NPAS2: variants seen among roughly 807,000 people sequenced by gnomAD.
The protein encoded by NPAS2 is neuronal PAS domain protein 2.
In NPAS2, 23 loss-of-function variants were observed where a neutral mutation model predicts 107.5. The observed-to-expected ratio is 0.21, with a 90% CI of 0.15 to 0.30. The LOEUF (loss-of-function observed/expected upper bound fraction) is 0.30. Among genes scored for constraint, NPAS2 ranks in the 10% least tolerant of loss-of-function variants. The pLI is 1.00. For missense variants in NPAS2, 756 were observed against 1,043.3 expected (o/e 0.72, Z 3.79); for synonymous variants, 403 against 417.5 (o/e 0.97, Z 0.42).
intron 2 of NPAS2, among the ~76,000 whole-genome samples, chr2:100,906,915 TGG>T (rs1682185352): frequency 6.6e-6 from 1 of 152,222 alleles, no homozygotes; most frequent in Admixed American, 6.5e-5. Context: ...CTCTAGGAAG[TGG>T]CAGAATGAGA....
At chr2:100,904,261 G>A (rs945505349) in intron 1 of NPAS2, among the ~76,000 whole-genome samples, 1 of 152,176 alleles carries the variant, frequency 6.6e-6, no homozygotes, top group Non-Finnish European at 1.5e-5. Context: ...TGGGAGGTGC[G>A]TGCGACCTAA....
chr2:100,952,495 C>A (rs1262265222), intron 7 of NPAS2, among the ~76,000 whole-genome samples: 2 of 151,856 alleles, frequency 1.3e-5, no homozygotes, highest in Non-Finnish European at 2.9e-5. Context: ...ACCTGGGAGG[C>A]GGAAGTTGCA....
At chr2:100,926,207 T>A (rs971758041) in intron 3 of NPAS2, among the ~76,000 whole-genome samples, 5 of 152,230 alleles carry the variant, frequency 3.3e-5, no homozygotes, top group Non-Finnish European at 5.9e-5. Flanking sequence ...TGTTTACAAT[T>A]TTTGGAAATT....
At chr2:100,904,844 G>A (rs1347025256) in intron 2 of NPAS2, 58 bp downstream of exon 2, 4 of 1,303,022 alleles carry the variant, frequency 3.1e-6, no homozygotes, top group Non-Finnish European at 4.4e-6. Context: ...GGGTCTGCCT[G>A]GCAGAATCTC....
chr2:100,952,335 C>T (rs941405045), intron 7 of NPAS2, among the ~76,000 whole-genome samples: 15 of 151,974 alleles, frequency 9.9e-5, no homozygotes, highest in South Asian at 2.1e-4. Flanking sequence ...GCACACACTT[C>T]GGGCAGATCA....
intron 2 of NPAS2, among the ~76,000 whole-genome samples, chr2:100,916,086 A>G (rs976474298): frequency 1.2e-4 from 19 of 152,194 alleles, no homozygotes; most frequent in African/African-American, 4.3e-4. Flanking sequence ...AAAGTCATAC[A>G]AAGAAATATG....
At chr2:100,866,404 G>A (rs1679258989) in intron 1 of NPAS2, among the ~76,000 whole-genome samples, 1 of 152,184 alleles carries the variant, frequency 6.6e-6, no homozygotes. Context: ...AGCAGGCTTT[G>A]CTGCCATGAG....
At chr2:100,867,524 A>T (rs1046418360) in intron 1 of NPAS2, among the ~76,000 whole-genome samples, 2 of 152,050 alleles carry the variant, frequency 1.3e-5, no homozygotes, top group Non-Finnish European at 2.9e-5. Context: ...TCCTTTTGTT[A>T]GTATTTACCT....
At chr2:100,939,140 C>T (rs1674419012) in intron 5 of NPAS2, among the ~76,000 whole-genome samples, 1 of 152,190 alleles carries the variant, frequency 6.6e-6, no homozygotes, top group Admixed American at 6.5e-5. Context: ...TGGGTCATAC[C>T]TTTCCCTGGA....
intron 1 of NPAS2, among the ~76,000 whole-genome samples, chr2:100,880,534 AG>A (rs373114574): frequency 1.6e-4 from 24 of 152,310 alleles, no homozygotes; most frequent in East Asian, 1.5e-3. Flanking sequence ...CCATGGCAAA[AG>A]GTTGTATAGT....
At position 100,969,314 on chromosome 2, in the gene NPAS2, C is replaced by T. The variant is rs1178776926; in HGVS notation, c.1055+886C>T. Among the ~76,000 whole-genome samples, 6 of 152,198 alleles carry T rather than the reference C, an allele frequency of 3.9e-5. No individual in the cohort carries two copies. In the East Asian group the frequency reaches 1.2e-3, roughly 29 times the overall value. ...TCATTTAGGCTTTAAGCCCTACATG[C>T]ATTAGGTATTTGTCCTAATGCTCTC... On this transcript the variant is annotated intron_variant, in intron 11 of 20. Coordinates refer to ENST00000335681, the MANE Select transcript of NPAS2 (RefSeq NM_002518.4).
intron 2 of NPAS2, among the ~76,000 whole-genome samples, chr2:100,920,543 G>A (rs531154922): frequency 6.6e-6 from 1 of 152,254 alleles, no homozygotes; most frequent in South Asian, 2.1e-4. Context: ...CCTACTATGT[G>A]TATCCAGATA....
Position 100,968,440 on chromosome 2 carries a change from G to C in NPAS2, c.1055+12G>C, listed in dbSNP as rs374897502. On this transcript the variant is annotated intron_variant, in intron 11 of 20. Coordinates refer to ENST00000335681, the MANE Select transcript of NPAS2 (RefSeq NM_002518.4). The surrounding 1 kb of genome is among the most constrained non-coding windows in gnomAD (Gnocchi z 5.3). ...CACTCGGTGGTCAGGTACCGCGCAC[G>C]GGCAGGGGTGCGGCTGCGTCCTTGT... 1.2e-6 allele frequency: 2 copies of C among 1,611,618 alleles called. No homozygotes were observed. Among genetic ancestry groups the C allele is most frequent in the South Asian group, 2.2e-5 (2 of 90,990 alleles).
chr2:100,819,509 G>A (rs1252572180), upstream of NPAS2, among the ~76,000 whole-genome samples: 1 of 151,564 alleles, frequency 6.6e-6, no homozygotes, highest in East Asian at 2.0e-4. The surrounding 1 kb of genome is among the most constrained non-coding windows in gnomAD (Gnocchi z 5.8). Context: ...GCCGCTCATT[G>A]AGAAATCGCA....
At chr2:100,921,196 G>A (rs1441337248) in intron 2 of NPAS2, among the ~76,000 whole-genome samples, 1 of 152,246 alleles carries the variant, frequency 6.6e-6, no homozygotes, top group East Asian at 1.9e-4. Flanking sequence ...ACTGGAGCCA[G>A]CCTGTGGCAC....
At chr2:100,861,103 G>A (rs1678915982) in intron 1 of NPAS2, among the ~76,000 whole-genome samples, 1 of 151,662 alleles carries the variant, frequency 6.6e-6, no homozygotes, top group Non-Finnish European at 1.5e-5. Context: ...CTGGCCTCAA[G>A]GGATCCTCCC....
intron 1 of NPAS2, among the ~76,000 whole-genome samples, chr2:100,903,041 TGTTTA>T (rs1262231536): frequency 3.9e-5 from 6 of 152,264 alleles, no homozygotes; most frequent in Admixed American, 2.0e-4. Flanking sequence ...CATTTTTAGA[TGTTTA>T]GTTTATGACT....
In NPAS2 at chr2:100,866,129, G is replaced by A. The variant is rs77161973; in HGVS notation, c.-22-38604G>A. ...CTGCAGGGCCCTAGCTGTGCCATCA[G>A]TGAGGCCTGAAAGATTGGAAGTGGA... On this transcript the variant is annotated intron_variant, in intron 1 of 20. Coordinates refer to ENST00000335681, the MANE Select transcript of NPAS2 (RefSeq NM_002518.4). Among the ~76,000 whole-genome samples the A allele has an allele frequency of 2.0e-5, 3 of 152,196 alleles. No individual in the cohort carries two copies. In the South Asian group the frequency reaches 6.2e-4, roughly 32 times the overall value.
At chr2:100,828,469 C>T (rs973872270) in intron 1 of NPAS2, among the ~76,000 whole-genome samples, 1 of 151,866 alleles carries the variant, frequency 6.6e-6, no homozygotes, top group African/African-American at 2.4e-5. Context: ...ACTTTCTTTC[C>T]CAAGGCCAGT....
Sources: gnomAD v4.1 joint callset for allele counts (sites outside exome capture counted in the v4.1 genomes callset) on GRCh38, gnomAD v4.1.1 for gene constraint, Gnocchi (gnomAD v3.1) non-coding constraint, MANE v1.5 for transcripts, NCBI Gene and HGNC (gene_info 2026-07-23, HGNC 2026-07-21) for gene names.